The following STAU1 variants were observed in gnomAD, a reference collection of about 807,000 sequenced individuals.
STAU1 encodes the protein double-stranded RNA-binding protein Staufen homolog 1.
In STAU1, 13 loss-of-function variants were observed where a neutral mutation model predicts 62.9. That is an observed-to-expected ratio of 0.21 (90% CI 0.13 to 0.33). STAU1 has a LOEUF of 0.33. Ranked by LOEUF, STAU1 falls within the 10% of genes least tolerant of loss-of-function variation. The pLI is 1.00. For missense variants in STAU1, 571 were observed against 712.1 expected (o/e 0.80, Z 2.25); for synonymous variants, 269 against 265.1 (o/e 1.01, Z -0.14).
chr20:49,175,864 G>A (rs1457514575), intron 1 of STAU1, among the ~76,000 whole-genome samples: 2 of 132,948 alleles, frequency 1.5e-5, no homozygotes, highest in South Asian at 2.4e-4. Flanking sequence ...GCGCAATCTC[G>A]GCTCACTGCA....
chr20:49,132,938 C>T (rs1048895675), intron 6 of STAU1, among the ~76,000 whole-genome samples: 8 of 152,314 alleles, frequency 5.3e-5, no homozygotes, highest in Middle Eastern at 3.4e-3. Context: ...ACATCTAATA[C>T]ATGCCAGGCA....
At chr20:49,141,687 G>A (rs1267474798) in intron 5 of STAU1, among the ~76,000 whole-genome samples, 1 of 152,176 alleles carries the variant, frequency 6.6e-6, no homozygotes, top group Non-Finnish European at 1.5e-5. Flanking sequence ...TTGAGGTCAG[G>A]AGTTCGAGAC....
At chr20:49,129,348 C>T (rs549399274) in intron 6 of STAU1, among the ~76,000 whole-genome samples, 1 of 118,982 alleles carries the variant, frequency 8.4e-6, no homozygotes, top group Non-Finnish European at 1.6e-5. Flanking sequence ...AACGCAGTGG[C>T]GCGATCTTGG....
intron 4 of STAU1, 95 bp downstream of exon 4, chr20:49,153,838 T>C: frequency 7.6e-7 from 1 of 1,319,904 alleles, no homozygotes. Flanking sequence ...AACCAAATCA[T>C]TACTCCCTCC....
intron 1 of STAU1, among the ~76,000 whole-genome samples, chr20:49,175,591 T>C (rs1343811335): frequency 6.6e-6 from 1 of 151,764 alleles, no homozygotes; most frequent in African/African-American, 2.4e-5. Context: ...GCAATTCTCC[T>C]GCCTCAGACT....
chr20:49,175,110 C>T (rs1478163753), intron 1 of STAU1, among the ~76,000 whole-genome samples: 3 of 151,970 alleles, frequency 2.0e-5, no homozygotes, highest in Admixed American at 6.6e-5. Flanking sequence ...GACTCAGGAT[C>T]GCGCCACTGC....
chr20:49,184,403 G>C (rs1160437033), intron 1 of STAU1, among the ~76,000 whole-genome samples: 1 of 152,120 alleles, frequency 6.6e-6, no homozygotes, highest in Admixed American at 6.6e-5. Context: ...ACTGCAGAAA[G>C]CACTCACACT....
the STAU1 span, among the ~76,000 whole-genome samples, chr20:49,200,722 T>G: frequency 9.9e-5 from 15 of 151,998 alleles, 1 homozygote; most frequent in South Asian, 8.3e-4. Context: ...TTGCTTCCAT[T>G]TCTATGGCAT....
the STAU1 span, among the ~76,000 whole-genome samples, chr20:49,205,585 C>T: frequency 6.6e-6 from 1 of 151,504 alleles, no homozygotes; most frequent in Non-Finnish European, 1.5e-5. Context: ...AGGCTGGTCT[C>T]GAACTTCTGA....
At chr20:49,159,668 C>T in intron 3 of STAU1, among the ~76,000 whole-genome samples, 1 of 152,180 alleles carries the variant, frequency 6.6e-6, no homozygotes, top group East Asian at 1.9e-4. Context: ...TCAGGTGATT[C>T]TCCTGCCTCA....
intron 6 of STAU1, chr20:49,135,158 T>A: frequency 1.4e-6 from 1 of 731,838 alleles, no homozygotes; most frequent in Non-Finnish European, 2.5e-6. Context: ...TGATCAAGAA[T>A]TTGGGTGGGA....
chr20:49,135,050 TG>T, intron 6 of STAU1: 1 of 1,432,552 alleles, frequency 7.0e-7, no homozygotes, highest in Non-Finnish European at 9.8e-7. Context: ...TCCAGAGCCC[TG>T]GGCAGCATTT....
chr20:49,212,181 G>A, the STAU1 span, among the ~76,000 whole-genome samples: 14 of 151,748 alleles, frequency 9.2e-5, 1 homozygote, highest in Middle Eastern at 6.8e-3. Flanking sequence ...TAGAGACAGG[G>A]TTTTGCCATG....
At chr20:49,150,067 G>T (rs1469756842) in intron 5 of STAU1, among the ~76,000 whole-genome samples, 3 of 152,172 alleles carry the variant, frequency 2.0e-5, no homozygotes, top group Admixed American at 6.5e-5. Flanking sequence ...TCAATTCACT[G>T]GACTTCTTCT....
the STAU1 span, among the ~76,000 whole-genome samples, chr20:49,195,893 C>A: frequency 3.7e-4 from 21 of 56,742 alleles, no homozygotes; most frequent in Non-Finnish European, 6.4e-4. Flanking sequence ...AGTGAAACTT[C>A]CTCTCAAAAA....
At chr20:49,179,748 A>G (rs2093701476) in intron 1 of STAU1, among the ~76,000 whole-genome samples, 1 of 152,218 alleles carries the variant, frequency 6.6e-6, no homozygotes, top group Admixed American at 6.5e-5. Context: ...CAAAGATAGG[A>G]GAGAATCAGA....
intron 5 of STAU1, among the ~76,000 whole-genome samples, chr20:49,142,378 G>A (rs902545200): frequency 2.0e-5 from 3 of 151,970 alleles, no homozygotes; most frequent in East Asian, 1.9e-4. Context: ...GTGAGCCACC[G>A]TGCCCAGCCA....
chr20:49,150,229 G>T (rs1312264084), intron 5 of STAU1, among the ~76,000 whole-genome samples: 1 of 152,126 alleles, frequency 6.6e-6, no homozygotes, highest in Non-Finnish European at 1.5e-5. Flanking sequence ...TATCATGGTG[G>T]TTTTAAAACA....
intron 6 of STAU1, among the ~76,000 whole-genome samples, chr20:49,126,567 C>CAAAAAAAAAAAAAAA (rs2092618452): frequency 2.7e-4 from 1 of 3,760 alleles, no homozygotes; most frequent in African/African-American, 1.5e-3. Context: ...AACCTCGTCT[C>CAAAAAAAAAAAAAAA]AAAAAGCAAA....
Sources: allele counts gnomAD v4.1 joint callset (sites outside exome capture counted in the v4.1 genomes callset), GRCh38; gene constraint gnomAD v4.1.1; transcripts MANE v1.5; gene names NCBI Gene and HGNC (gene_info 2026-07-23, HGNC 2026-07-21).